The following CREBBP variants were observed in gnomAD, a reference collection of about 807,000 sequenced individuals.
CREBBP encodes CREB-binding protein.
In CREBBP, 19 loss-of-function variants were observed where a neutral mutation model predicts 265.0. That is an observed-to-expected ratio of 0.07 (90% CI 0.05 to 0.11). The LOEUF (loss-of-function observed/expected upper bound fraction) is 0.11. Among genes scored for constraint, CREBBP ranks in the 10% least tolerant of loss-of-function variants. The pLI, the probability that CREBBP is intolerant of heterozygous loss-of-function variation, is 1.00. For synonymous variants in CREBBP, 1,457 were observed against 1,223.7 expected (o/e 1.19, Z -3.98); for missense variants, 2,525 against 3,219.0 (o/e 0.78, Z 5.22).
intron 27 of CREBBP, 65 bp from the exon 28 acceptor site, chr16:3,736,268 C>A (rs1456980133): frequency 6.6e-7 from 1 of 1,525,244 alleles, no homozygotes; most frequent in East Asian, 2.3e-5. Context: ...CATGGTGCGA[C>A]AGACCCCCAC....
intron 1 of CREBBP, among the ~76,000 whole-genome samples, chr16:3,878,131 C>T (rs890201594): frequency 1.3e-5 from 2 of 152,186 alleles, no homozygotes; most frequent in African/African-American, 4.8e-5. Context: ...CAAATTCATT[C>T]AACAACAGCA....
At chr16:3,834,597 T>C (rs746796479) in intron 2 of CREBBP, among the ~76,000 whole-genome samples, 1 of 152,132 alleles carries the variant, frequency 6.6e-6, no homozygotes, top group Non-Finnish European at 1.5e-5. Flanking sequence ...GACACTACAA[T>C]GATGCACATC....
chr16:3,822,876 G>A (rs903721815), intron 2 of CREBBP, among the ~76,000 whole-genome samples: 1 of 152,276 alleles, frequency 6.6e-6, no homozygotes, highest in African/African-American at 2.4e-5. Context: ...GGAGCCAGGA[G>A]CTGGCTCAGT....
At chr16:3,835,864 G>A (rs1278100151) in intron 2 of CREBBP, among the ~76,000 whole-genome samples, 3 of 151,808 alleles carry the variant, frequency 2.0e-5, no homozygotes, top group Admixed American at 2.0e-4. Flanking sequence ...ACAGGTGTGA[G>A]CCACCGCGCC....
intron 2 of CREBBP, 55 bp from the exon 3 acceptor site, chr16:3,810,834 A>C (rs1369522499): frequency 2.4e-5 from 38 of 1,570,964 alleles, no homozygotes; most frequent in Non-Finnish European, 3.3e-5. Context: ...TATAAAAGGA[A>C]GGGCCTGGGA....
chr16:3,765,792 C>A (rs1005930024), intron 16 of CREBBP, among the ~76,000 whole-genome samples: 1 of 152,264 alleles, frequency 6.6e-6, no homozygotes, highest in East Asian at 1.9e-4. Context: ...CAGCTACAGG[C>A]ATGCACTACC....
At chr16:3,737,122 C>A in intron 26 of CREBBP, 1 of 480,626 alleles carries the variant, frequency 2.1e-6, no homozygotes, top group Non-Finnish European at 3.8e-6. Flanking sequence ...CAAGGCAATG[C>A]CATCCCCTTC....
chr16:3,809,366 C>T (rs986372567), intron 3 of CREBBP, among the ~76,000 whole-genome samples: 6 of 151,878 alleles, frequency 4.0e-5, no homozygotes, highest in African/African-American at 7.3e-5. Flanking sequence ...TTAGCAGAGA[C>T]GGGGTTTCAT....
chr16:3,827,735 A>G (rs2054265865), intron 2 of CREBBP, among the ~76,000 whole-genome samples: 1 of 151,884 alleles, frequency 6.6e-6, no homozygotes, highest in Non-Finnish European at 1.5e-5. Context: ...CTGTAGCCCA[A>G]GCTGGAGTAC....
At chr16:3,758,554 T>C (rs777582418) in intron 17 of CREBBP, among the ~76,000 whole-genome samples, 4 of 152,236 alleles carry the variant, frequency 2.6e-5, no homozygotes, top group Non-Finnish European at 5.9e-5. Context: ...TTACAGTTCA[T>C]GTTCACAAAT....
Position 3,728,657 on chromosome 16 carries a change from C to A in CREBBP, c.6390G>T (p.Gln2130His), listed in dbSNP as rs2051820546. 1 of 1,613,626 alleles carries A rather than the reference C, an allele frequency of 6.2e-7. No homozygotes were observed. The highest frequency in any genetic ancestry group is 8.5e-7 in the Non-Finnish European group (1 of 1,179,854). Residue 2130 changes from glutamine to histidine, a missense_variant, in exon 31 of 31, where the codon CAG becomes CAT. Gln to His is a conservative substitution (Grantham distance 24, BLOSUM62 0). Coordinates refer to ENST00000262367, the MANE Select transcript of CREBBP (RefSeq NM_004380.3). The surrounding 1 kb of genome is among the most constrained non-coding windows in gnomAD (Gnocchi z 8.7). ...GGCTGGGCTGCTGGTGCATGCCAGG[C>A]TGGGGTTGCATGCCGGGCTGGGACT... The part of the protein sequence containing the change: ...GLQSQPGMQP[Q>H]PGMHQQPSLQ...
At chr16:3,857,993 G>A (rs2054998460) in intron 1 of CREBBP, among the ~76,000 whole-genome samples, 1 of 152,162 alleles carries the variant, frequency 6.6e-6, no homozygotes, top group South Asian at 2.1e-4. Flanking sequence ...CCTCAGGAAA[G>A]GCAACTGTTT....
rs1157968446 is a variant in CREBBP at position 3,780,844 on chromosome 16, T to C, written c.1711A>G (p.Ile571Val). The change falls in exon 8 of 31, where the codon ATT (isoleucine) becomes GTT (valine). Residue 571 changes from isoleucine (I) to valine (V), a missense_variant. This residue lies in a region of CREBBP where 144 missense variants were observed against 134.0 expected (regional missense o/e 1.07). Coordinates refer to ENST00000262367, the MANE Select transcript of CREBBP (RefSeq NM_004380.3). ...GTTGGTATAGTGCTGAGGGTTCCAA[T>C]GTTACCAGAGTTGGAGCCATCGTTC... ...LMNDGSNSGN[I>V]GTLSTIPTAA... 26 of 1,613,576 alleles carry C rather than the reference T, an allele frequency of 1.6e-5. No individual in the cohort carries two copies. Among genetic ancestry groups the C allele is most frequent in the East Asian group, 2.2e-5 (1 of 44,888 alleles).
rs765037692 is a variant in CREBBP, at chr16:3,728,029, T to C, written c.7018A>G (p.Ser2340Gly). The change falls in exon 31 of 31, where the codon AGT becomes GGT. Residue 2340 changes from serine (S) to glycine (G), a missense_variant. By Grantham distance (56) the Ser-to-Gly change is moderately conservative. Transcript: ENST00000262367. This position sits in a 1 kb window ranked among gnomAD's most constrained non-coding sequence, Gnocchi z 8.7. ...GGGGCTGGAGACCGCACCTGGTTAC[T>C]AAGGGACGTGGCGATCTGCTGGCCA... ...LPGQQIATSL[S>G]NQVRSPAPVQ... is the part of the protein sequence containing the mutation. 6 of 1,611,724 alleles carry C rather than the reference T, an allele frequency of 3.7e-6. No individual in the cohort carries two copies. Among genetic ancestry groups the C allele is most frequent in the African/African-American group, 2.7e-5 (2 of 74,870 alleles).
Position 3,847,023 on chromosome 16 carries a change from CAT to C in CREBBP, c.798+3272_798+3273del, listed in dbSNP as rs551942723. ...CCTTTTCAGAATCTAATCCATGACA[CAT>C]GTGTACAGGCATTGCTGCACTAGCA... is the stretch of plus-strand genomic sequence containing the variant. On this transcript the variant is annotated intron_variant, in intron 2 of 30. Coordinates refer to ENST00000262367, the MANE Select transcript of CREBBP (RefSeq NM_004380.3). Among the ~76,000 whole-genome samples, 133 of 152,314 alleles carry C rather than the reference CAT, an allele frequency of 8.7e-4. 1 individual carries two copies. In the Middle Eastern group the frequency reaches 0.01, roughly 12 times the overall value.
At chr16:3,826,251 G>C (rs960138436) in intron 2 of CREBBP, among the ~76,000 whole-genome samples, 1 of 152,222 alleles carries the variant, frequency 6.6e-6, no homozygotes, top group Non-Finnish European at 1.5e-5. Flanking sequence ...TCATGTAAAA[G>C]ACACTTTCAT....
At chr16:3,799,743 A>C (rs2053675825) in intron 3 of CREBBP, among the ~76,000 whole-genome samples, 1 of 152,212 alleles carries the variant, frequency 6.6e-6, no homozygotes, top group Non-Finnish European at 1.5e-5. Flanking sequence ...AATAAGGCAG[A>C]CCTCAAATAA....
At chr16:3,736,007 G>A in intron 28 of CREBBP, 29 bp downstream of exon 28, 2 of 1,614,172 alleles carry the variant, frequency 1.2e-6, no homozygotes, top group Non-Finnish European at 1.7e-6. Context: ...GGGACACGTG[G>A]GCAATGGAGC....
At position 3,850,334 on chromosome 16, in the gene CREBBP, G is replaced by A. The variant is rs199768244; in HGVS notation, c.761C>T (p.Ala254Val). ...TCCTGCCTGTGCGGTGTTCAGTCCCGCGTGACCAGTCATTTGCGGGGAAAC... is the reference window on the plus strand; with the variant it reads ...TCCTGCCTGTGCGGTGTTCAGTCCCACGTGACCAGTCATTTGCGGGGAAAC... ...TQVSPQMTGH[A>V]GLNTAQAGGM... is the part of the protein sequence containing the mutation. The change falls in exon 2 of 31, where the codon GCG becomes GTG. Residue 254 changes from alanine to valine, a missense_variant. Ala to Val is a moderately conservative substitution (Grantham distance 64, BLOSUM62 0). Transcript: ENST00000262367. The A allele has an allele frequency of 9.5e-5, 153 of 1,614,210 alleles. No homozygotes were observed. Among genetic ancestry groups the A allele is most frequent in the Non-Finnish European group, 1.2e-4 (140 of 1,180,042 alleles).
Sources: allele counts gnomAD v4.1 joint callset (sites outside exome capture counted in the v4.1 genomes callset), GRCh38; gene constraint gnomAD v4.1.1; regional missense constraint gnomAD v4.1.1; non-coding constraint Gnocchi (gnomAD v3.1); transcripts MANE v1.5; gene names NCBI Gene and HGNC (gene_info 2026-07-23, HGNC 2026-07-21).